SNTG1: variants seen among roughly 807,000 people sequenced by gnomAD.
The protein encoded by SNTG1 is syntrophin gamma 1.
SNTG1 carries 39 observed loss-of-function variants against 74.7 expected under a neutral mutation model. The ratio of observed to expected loss-of-function variants is 0.52; its 90% confidence interval spans 0.40 to 0.68. The LOEUF is 0.68. Among genes scored for constraint, SNTG1 ranks in the 30% least tolerant of loss-of-function variants. The probability of loss-of-function intolerance (pLI) is 0.00; values close to 1 mark genes in which losing one functional copy is unlikely to be tolerated. For missense variants in SNTG1, 685 were observed against 609.5 expected, an observed-to-expected ratio of 1.12 and a Z score of -1.30; for synonymous variants, 254 against 217.1, an observed-to-expected ratio of 1.17 and a Z score of -1.49.
chr8:49,963,727 A>G (rs542554413), intron 1 of SNTG1, among the ~76,000 whole-genome samples: 5 of 152,340 alleles, frequency 3.3e-5, no homozygotes, highest in Middle Eastern at 3.4e-3. Context: ...TTAATCTCAA[A>G]TGCATGTAGC....
chr8:49,950,859 C>T (rs1402873684), intron 1 of SNTG1, among the ~76,000 whole-genome samples: 1 of 152,194 alleles, frequency 6.6e-6, no homozygotes, highest in African/African-American at 2.4e-5. Flanking sequence ...AGCTCTGAGA[C>T]ATGTGAAGTT....
chr8:50,385,061 G>A (rs1162713223), intron 2 of SNTG1, among the ~76,000 whole-genome samples: 1 of 152,180 alleles, frequency 6.6e-6, no homozygotes, highest in Non-Finnish European at 1.5e-5. Flanking sequence ...CTGAGGACTT[G>A]TCCTGTGATT....
intron 2 of SNTG1, among the ~76,000 whole-genome samples, chr8:50,309,343 C>T (rs540833587): frequency 3.7e-4 from 42 of 113,314 alleles, no homozygotes; most frequent in African/African-American, 1.1e-3. Context: ...TAGACTTTGC[C>T]TCTTTCTTTT....
intron 18 of SNTG1, among the ~76,000 whole-genome samples, chr8:50,757,358 C>G (rs563078758): frequency 1.5e-4 from 23 of 151,940 alleles, no homozygotes; most frequent in Non-Finnish European, 2.5e-4. Flanking sequence ...TTTGTATGCT[C>G]TATTATCAGG....
chr8:50,474,642 G>C (rs1218224784), intron 8 of SNTG1, among the ~76,000 whole-genome samples: 1 of 152,148 alleles, frequency 6.6e-6, no homozygotes, highest in Non-Finnish European at 1.5e-5. Context: ...CTGTAAACTA[G>C]TTCAAATGTT....
chr8:50,286,113 ATTCTG>A (rs140915256), intron 2 of SNTG1, among the ~76,000 whole-genome samples: 24,009 of 151,780 alleles, frequency 0.16, 2,281 homozygotes, highest in Middle Eastern at 0.28. Context: ...CTATATGACC[ATTCTG>A]TTCTGTTTTC....
At chr8:50,570,755 C>A (rs1180720714) in intron 12 of SNTG1, among the ~76,000 whole-genome samples, 1 of 151,662 alleles carries the variant, frequency 6.6e-6, no homozygotes, top group Non-Finnish European at 1.5e-5. Flanking sequence ...TGGGCATGCA[C>A]CACCGTGCCT....
chr8:50,553,955 ATGT>A (rs1186997086), intron 12 of SNTG1, among the ~76,000 whole-genome samples: 1 of 152,094 alleles, frequency 6.6e-6, no homozygotes, highest in Non-Finnish European at 1.5e-5. Context: ...GTTCCATGCG[ATGT>A]TGAGGCATTT....
chr8:50,641,241 T>C (rs983274799), intron 13 of SNTG1, among the ~76,000 whole-genome samples: 1 of 152,212 alleles, frequency 6.6e-6, no homozygotes, highest in African/African-American at 2.4e-5. Flanking sequence ...TTCTTTTAAA[T>C]ACATTTCTGC....
intron 18 of SNTG1, among the ~76,000 whole-genome samples, chr8:50,791,108 TAGAG>T (rs2095689517): frequency 6.6e-6 from 1 of 151,906 alleles, no homozygotes; most frequent in Non-Finnish European, 1.5e-5. Flanking sequence ...TTTGGGAAGA[TAGAG>T]AAAGTATTTA....
At chr8:50,581,075 C>T (rs1352051819) in intron 12 of SNTG1, among the ~76,000 whole-genome samples, 1 of 152,164 alleles carries the variant, frequency 6.6e-6, no homozygotes, top group Admixed American at 6.5e-5. Flanking sequence ...TTTTAAAATG[C>T]TCCTGTAGAA....
At chr8:50,397,970 A>G (rs2092749833) in intron 3 of SNTG1, among the ~76,000 whole-genome samples, 2 of 152,228 alleles carry the variant, frequency 1.3e-5, no homozygotes, top group Non-Finnish European at 2.9e-5. Context: ...TAAACAACAA[A>G]TAAATGAAAT....
intron 1 of SNTG1, among the ~76,000 whole-genome samples, chr8:50,159,320 A>T (rs2082345082): frequency 6.6e-6 from 1 of 152,122 alleles, no homozygotes; most frequent in African/African-American, 2.4e-5. Flanking sequence ...ACTTTCAAAC[A>T]TCTAGATTTT....
intron 18 of SNTG1, among the ~76,000 whole-genome samples, chr8:50,755,968 G>C (rs1446993867): frequency 6.6e-6 from 1 of 151,396 alleles, no homozygotes; most frequent in African/African-American, 2.4e-5. Flanking sequence ...ATTTTCATCT[G>C]TATATATTCT....
At chr8:50,009,606 C>A (rs1815574264) in intron 1 of SNTG1, among the ~76,000 whole-genome samples, 1 of 152,038 alleles carries the variant, frequency 6.6e-6, no homozygotes, top group Admixed American at 6.6e-5. Flanking sequence ...TTATCTGAAA[C>A]CTTTTTCATT....
At chr8:50,729,395 T>A (rs1264695570) in intron 17 of SNTG1, among the ~76,000 whole-genome samples, 5 of 152,168 alleles carry the variant, frequency 3.3e-5, no homozygotes, top group African/African-American at 1.2e-4. Context: ...GAATCACTTT[T>A]CTCCAGAGAC....
intron 2 of SNTG1, among the ~76,000 whole-genome samples, chr8:50,356,529 A>G (rs2091820738): frequency 6.6e-6 from 1 of 152,200 alleles, no homozygotes; most frequent in Non-Finnish European, 1.5e-5. Context: ...TTTATTTCAT[A>G]CAGTTCTGGA....
chr8:50,236,577 A>C (rs987823741), intron 2 of SNTG1, among the ~76,000 whole-genome samples: 1 of 150,554 alleles, frequency 6.6e-6, no homozygotes, highest in African/African-American at 2.4e-5. Context: ...CAGCCTCCCG[A>C]GTAGCTGGGA....
At position 50,133,220 on chromosome 8, in the gene SNTG1, G is replaced by T. The variant is rs531122009; in HGVS notation, c.-102-39341G>T. Among the ~76,000 whole-genome samples, 45 of 152,260 alleles carry T rather than the reference G, an allele frequency of 3.0e-4. 1 individual carries two copies. In the South Asian group the frequency reaches 8.9e-3, roughly 30 times the overall value. ...AGAACACGATTCACCCACATTCTCT[G>T]ACACTTTATACCAAGTATTGCCTTT... On this transcript the variant is annotated intron_variant, in intron 1 of 18. Coordinates refer to ENST00000642720, the MANE Select transcript of SNTG1 (RefSeq NM_018967.5).
Sources: gnomAD v4.1 joint callset for allele counts (sites outside exome capture counted in the v4.1 genomes callset) on GRCh38, gnomAD v4.1.1 for gene constraint, MANE v1.5 for transcripts, NCBI Gene and HGNC (gene_info 2026-07-23, HGNC 2026-07-21) for gene names.